The following PACS2 variants were observed in gnomAD, a reference collection of about 807,000 sequenced individuals.
PACS2 encodes PACS1-like protein.
Under a neutral mutation model 113.0 loss-of-function variants are expected in PACS2, and 36 were observed. That is an observed-to-expected ratio of 0.32 (90% CI 0.24 to 0.42). The LOEUF (loss-of-function observed/expected upper bound fraction) is 0.42, where lower values mean the gene tolerates loss of function less well. Ranked by LOEUF, PACS2 falls within the 10% of genes least tolerant of loss-of-function variation. PACS2 has a pLI of 1.00. For missense variants in PACS2, 1,015 were observed against 1,239.5 expected, an observed-to-expected ratio of 0.82 and a Z score of 2.72; for synonymous variants, 589 against 536.1, an observed-to-expected ratio of 1.10 and a Z score of -1.36.
intron 4 of PACS2, among the ~76,000 whole-genome samples, chr14:105,362,623 G>T (rs2060770591): frequency 6.6e-6 from 1 of 152,054 alleles, no homozygotes; most frequent in Admixed American, 6.6e-5. Flanking sequence ...GGTCAAGGCA[G>T]GTGGATCATC....
At chr14:105,369,662 A>T (rs1182034893) in intron 7 of PACS2, among the ~76,000 whole-genome samples, 179 bp from the exon 8 acceptor site, 1 of 152,134 alleles carries the variant, frequency 6.6e-6, no homozygotes, top group African/African-American at 2.4e-5. Flanking sequence ...GAACTGTCAG[A>T]CCTCAGGCCT....
At chr14:105,372,001 C>T (rs1555409499) in intron 8 of PACS2, 2 of 152,380 alleles carry the variant, frequency 1.3e-5, no homozygotes, top group Non-Finnish European at 2.9e-5. Flanking sequence ...GGGCCCTAAC[C>T]ACCTGTTAGA....
chr14:105,373,216 A>G (rs1252981624), intron 8 of PACS2, among the ~76,000 whole-genome samples: 2 of 152,268 alleles, frequency 1.3e-5, no homozygotes, highest in Non-Finnish European at 2.9e-5. Context: ...GTGTTTTTGT[A>G]GAAATTGACC....
Position 105,384,473 on chromosome 14 carries a change from G to C in PACS2, c.1891+10G>C. 1 of 1,577,432 alleles carries C rather than the reference G, an allele frequency of 6.3e-7. No homozygotes were observed. The highest frequency in any genetic ancestry group is 1.1e-5 in the South Asian group (1 of 89,976). ...GAGGCCCAGAGTGCGGGTGAGGCCC[G>C]GGCGCGTCCACAGCCCACGCCACGG... On this transcript the variant is annotated intron_variant, in intron 17 of 24. Coordinates refer to ENST00000447393, the MANE Select transcript of PACS2 (RefSeq NM_001100913.3).
intron 1 of PACS2, among the ~76,000 whole-genome samples, chr14:105,332,687 C>A (rs957922449): frequency 1.3e-5 from 2 of 152,150 alleles, no homozygotes; most frequent in Non-Finnish European, 1.5e-5. Context: ...CTGGTCCTCT[C>A]GTGGGCGGTC....
At chr14:105,380,619 C>T (rs1033729200) in intron 11 of PACS2, among the ~76,000 whole-genome samples, 1 of 151,272 alleles carries the variant, frequency 6.6e-6, no homozygotes, top group Non-Finnish European at 1.5e-5. Flanking sequence ...GGTCAGGGCC[C>T]CCGGACTCCC....
In PACS2 at chr14:105,393,244, G is replaced by A. The variant is rs782520052; in HGVS notation, c.2505G>A (p.Ala835=). The A allele has an allele frequency of 6.8e-6, 11 of 1,612,752 alleles. No homozygotes were observed. Among genetic ancestry groups the A allele is most frequent in the South Asian group, 5.5e-5 (5 of 91,084 alleles). ...CAGTGATGTTTCTGCCCAAGAAAGCGAAGGACAAGGACGTGGAGTCTAAGA... is the reference window on the plus strand; with the variant it reads ...CAGTGATGTTTCTGCCCAAGAAAGCAAAGGACAAGGACGTGGAGTCTAAGA... ...NKKVMFLPKK[A]KDKDVESKSQ... The change falls in exon 24 of 25, where the codon GCG becomes GCA. Residue 835 remains alanine (A), a synonymous_variant. Transcript: ENST00000447393.
In PACS2 at chr14:105,380,069, CT is replaced by C. The variant is rs1382702093; in HGVS notation, c.1051-10del. 4.1e-5 allele frequency: 63 copies of C among 1,551,398 alleles called. No individual in the cohort carries two copies. On this transcript the variant is annotated splice_polypyrimidine_tract_variant and intron_variant, in intron 10 of 24. Transcript: ENST00000447393. Reference sequence around the variant, plus strand: ...TTGAGCACAAGCTGATTCCCATCTCCTCCCCCACAGGCTGACGTGCCCGAGA... The same window carrying C: ...TTGAGCACAAGCTGATTCCCATCTCCCCCCCACAGGCTGACGTGCCCGAGA...
chr14:105,318,329 G>T (rs2058748135), intron 1 of PACS2, among the ~76,000 whole-genome samples: 1 of 152,170 alleles, frequency 6.6e-6, no homozygotes, highest in African/African-American at 2.4e-5. Context: ...GGCCCAGACT[G>T]GGGTGCAGTG....
chr14:105,383,521 C>A lies in PACS2; in HGVS notation c.1780+8C>A. The A allele has an allele frequency of 6.4e-7, 1 of 1,574,620 alleles. No homozygotes were observed. On this transcript the variant is annotated splice_region_variant and intron_variant, in intron 16 of 24. Transcript: ENST00000447393. ...TCCTGGTCATCCCACTGGGTGAGCA[C>A]CACGCCGTCCACCTGGGCCTGGGCA...
chr14:105,376,941 C>A lies in PACS2; in HGVS notation c.959+16C>A, dbSNP rs201802626. On this transcript the variant is annotated intron_variant, in intron 9 of 24. Coordinates refer to ENST00000447393, the MANE Select transcript of PACS2 (RefSeq NM_001100913.3). The surrounding 1 kb of genome is among the most constrained non-coding windows in gnomAD (Gnocchi z 4.7). ...CGAAGCTGCGGTGAGCCCTACAGGG[C>A]GGGGCGGGGAGGAACAGCCATTTCA... is the stretch of plus-strand genomic sequence containing the variant. 1.5e-3 allele frequency: 2,373 copies of A among 1,582,932 alleles called. 3 individuals carry two copies. The highest frequency in any genetic ancestry group is 1.9e-3 in the Admixed American group (107 of 56,988).
At chr14:105,313,980 G>C (rs2058432333), upstream of PACS2, among the ~76,000 whole-genome samples, 1 of 152,262 alleles carries the variant, frequency 6.6e-6, no homozygotes, top group Non-Finnish European at 1.5e-5. Flanking sequence ...CCAGACATTT[G>C]TTCTCCATTG....
chr14:105,380,064 A>T lies in PACS2; in HGVS notation c.1051-16A>T, dbSNP rs1381660131. 1 of 1,550,886 alleles carries T rather than the reference A, an allele frequency of 6.4e-7. No homozygotes were observed. Among genetic ancestry groups the T allele is most frequent in the South Asian group, 1.2e-5 (1 of 84,100 alleles). On this transcript the variant is annotated splice_polypyrimidine_tract_variant and intron_variant, in intron 10 of 24. Coordinates refer to ENST00000447393, the MANE Select transcript of PACS2 (RefSeq NM_001100913.3). The stretch of plus-strand genomic sequence containing the variant: ...TGCAGTTGAGCACAAGCTGATTCCC[A>T]TCTCCTCCCCCACAGGCTGACGTGC...
chr14:105,350,964 G>A (rs1280934268), intron 2 of PACS2, among the ~76,000 whole-genome samples: 6 of 152,214 alleles, frequency 3.9e-5, no homozygotes, highest in Non-Finnish European at 8.8e-5. Flanking sequence ...GAGGACCAGA[G>A]TCCGCCATGG....
chr14:105,382,192 CT>C (rs2081018636), intron 13 of PACS2, 134 bp downstream of exon 13: 5 of 1,054,558 alleles, frequency 4.7e-6, no homozygotes, highest in Non-Finnish European at 6.7e-6. Flanking sequence ...CTTTGGAGGG[CT>C]CCTGCTACAC....
intron 1 of PACS2, among the ~76,000 whole-genome samples, chr14:105,332,462 C>A (rs1286606642): frequency 2.0e-5 from 3 of 152,222 alleles, no homozygotes; most frequent in Non-Finnish European, 4.4e-5. Context: ...CCGACCACCT[C>A]CAGGACTGAG....
At position 105,391,763 on chromosome 14, in the gene PACS2, C is replaced by T. The variant is rs782331582; in HGVS notation, c.2252C>T (p.Pro751Leu). ...SPSVSGGLSS[P>L]SQGVGAELMG... ...TCGGTGAGCGGAGGCCTGTCCTCCC[C>T]CAGGTAAAGGTGCCTCACGGCTCAG... The change falls in exon 22 of 25, where the codon CCC (proline) becomes CTC (leucine). Residue 751 changes from proline to leucine, a missense_variant. By Grantham distance (98) the Pro-to-Leu change is moderately conservative. Coordinates refer to ENST00000447393, the MANE Select transcript of PACS2 (RefSeq NM_001100913.3). The T allele has an allele frequency of 2.1e-5, 33 of 1,592,222 alleles. No homozygotes were observed. In the South Asian group the frequency reaches 3.4e-4, roughly 16 times the overall value.
At chr14:105,338,665 C>A (rs1434368494) in intron 1 of PACS2, among the ~76,000 whole-genome samples, 1 of 152,198 alleles carries the variant, frequency 6.6e-6, no homozygotes, top group African/African-American at 2.4e-5. Flanking sequence ...TCCATCCACC[C>A]TGACTGTGAC....
At chr14:105,359,694 C>G (rs1261005204) in intron 4 of PACS2, among the ~76,000 whole-genome samples, 1 of 151,566 alleles carries the variant, frequency 6.6e-6, no homozygotes, top group Non-Finnish European at 1.5e-5. Context: ...CAGGTTCACG[C>G]CATTCTCCTG....
Sources: gnomAD v4.1 joint callset for allele counts (sites outside exome capture counted in the v4.1 genomes callset) on GRCh38, gnomAD v4.1.1 for gene constraint, Gnocchi (gnomAD v3.1) non-coding constraint, MANE v1.5 for transcripts, NCBI Gene and HGNC (gene_info 2026-07-23, HGNC 2026-07-21) for gene names.